GPC5: variants seen among roughly 807,000 people sequenced by gnomAD.
GPC5 encodes glypican 5.
In GPC5, 47 loss-of-function variants were observed where a neutral mutation model predicts 53.9. The ratio of observed to expected loss-of-function variants is 0.87; its 90% confidence interval spans 0.69 to 1.11. GPC5 has a LOEUF of 1.11. Among genes scored for constraint, GPC5 ranks in the 50% most tolerant of loss-of-function variants. The pLI, the probability that GPC5 is intolerant of heterozygous loss-of-function variation, is 0.00. For synonymous variants in GPC5, 286 were observed against 263.3 expected, an observed-to-expected ratio of 1.09 and a Z score of -0.84; for missense variants, 748 against 713.1, an observed-to-expected ratio of 1.05 and a Z score of -0.56.
intron 7 of GPC5, among the ~76,000 whole-genome samples, chr13:92,400,247 C>A (rs1359886537): frequency 6.6e-6 from 1 of 152,124 alleles, no homozygotes; most frequent in East Asian, 1.9e-4. Flanking sequence ...GACAAAACTA[C>A]AATAAAGATA....
At chr13:91,701,996 A>G (rs2036003932) in intron 3 of GPC5, among the ~76,000 whole-genome samples, 1 of 151,998 alleles carries the variant, frequency 6.6e-6, no homozygotes, top group South Asian at 2.1e-4. Context: ...ATTCTAACAG[A>G]TTTGAAATAA....
chr13:92,572,107 T>A (rs1883044489), intron 7 of GPC5, among the ~76,000 whole-genome samples: 1 of 152,172 alleles, frequency 6.6e-6, no homozygotes, highest in Non-Finnish European at 1.5e-5. Context: ...CTAGATTAAA[T>A]AAGATTATTG....
intron 6 of GPC5, among the ~76,000 whole-genome samples, chr13:91,950,794 A>C (rs911559476): frequency 1.3e-5 from 2 of 152,294 alleles, no homozygotes; most frequent in East Asian, 3.9e-4. Flanking sequence ...AACTCATTTA[A>C]TGGTAGCTAT....
intron 7 of GPC5, among the ~76,000 whole-genome samples, chr13:92,158,511 T>A (rs1276083172): frequency 6.6e-6 from 1 of 152,098 alleles, no homozygotes; most frequent in East Asian, 1.9e-4. Context: ...TGTTCCTTTT[T>A]TTTTTTCTTC....
At chr13:91,770,188 A>G (rs1211669360) in intron 5 of GPC5, among the ~76,000 whole-genome samples, 9 of 152,180 alleles carry the variant, frequency 5.9e-5, no homozygotes, top group African/African-American at 1.7e-4. Context: ...ACACTGGGCA[A>G]GCAATGGAAG....
intron 7 of GPC5, among the ~76,000 whole-genome samples, chr13:92,496,561 A>G (rs1879987636): frequency 6.6e-6 from 1 of 152,206 alleles, no homozygotes. Context: ...ACTTAGCCAT[A>G]AAAACAAAAG....
intron 5 of GPC5, among the ~76,000 whole-genome samples, chr13:91,857,320 G>A (rs1203764637): frequency 1.3e-5 from 2 of 151,278 alleles, no homozygotes; most frequent in Non-Finnish European, 3.0e-5. Flanking sequence ...TAACCAAATT[G>A]AAAACTGGCG....
chr13:92,465,964 G>A (rs1878674015), intron 7 of GPC5, among the ~76,000 whole-genome samples: 1 of 151,826 alleles, frequency 6.6e-6, no homozygotes, highest in Non-Finnish European at 1.5e-5. Context: ...ATGGGGGAGG[G>A]GTGGGTGATG....
At chr13:91,407,230 TG>T (rs931198392) in intron 1 of GPC5, among the ~76,000 whole-genome samples, 7 of 152,178 alleles carry the variant, frequency 4.6e-5, no homozygotes, top group African/African-American at 9.7e-5. Context: ...ATTGTTTTTG[TG>T]GGGTTAATTT....
At chr13:91,561,242 T>A (rs537937838) in intron 2 of GPC5, among the ~76,000 whole-genome samples, 1 of 152,210 alleles carries the variant, frequency 6.6e-6, no homozygotes, top group African/African-American at 2.4e-5. Flanking sequence ...TTTCAATAAT[T>A]GTAAAATAAC....
intron 2 of GPC5, among the ~76,000 whole-genome samples, chr13:91,679,356 A>G (rs2035455934): frequency 6.6e-6 from 1 of 152,160 alleles, no homozygotes; most frequent in African/African-American, 2.4e-5. Flanking sequence ...CATACAAAAT[A>G]AGGAGGTCAG....
At chr13:91,943,686 G>A (rs1469946864) in intron 6 of GPC5, among the ~76,000 whole-genome samples, 1 of 152,198 alleles carries the variant, frequency 6.6e-6, no homozygotes, top group Non-Finnish European at 1.5e-5. Flanking sequence ...TCTCTTAGGA[G>A]TAGGACGGAT....
chr13:92,828,105 A>T (rs1332315128), intron 7 of GPC5, among the ~76,000 whole-genome samples: 1 of 152,090 alleles, frequency 6.6e-6, no homozygotes, highest in Non-Finnish European at 1.5e-5. Context: ...CATCCAGACC[A>T]AAAGAAGTGC....
rs145089935 is a variant in GPC5 at position 92,073,184 on chromosome 13, T to C, written c.1402-71646T>C. Among the ~76,000 whole-genome samples the C allele has an allele frequency of 6.3e-3, 962 of 152,336 alleles. 4 individuals carry two copies. Among genetic ancestry groups the C allele is most frequent in the Middle Eastern group, 0.027 (8 of 294 alleles). On this transcript the variant is annotated intron_variant, in intron 6 of 7. Coordinates refer to ENST00000377067, the MANE Select transcript of GPC5 (RefSeq NM_004466.6). ...TTCATATTTCTTGTGTTAAATTCTT[T>C]TCATAAGTACATTATTTTTGAATTC...
intron 7 of GPC5, among the ~76,000 whole-genome samples, chr13:92,359,550 G>A (rs540150316): frequency 1.8e-4 from 27 of 151,438 alleles, no homozygotes; most frequent in Middle Eastern, 3.4e-3. Context: ...CTTCATTATC[G>A]CATTACTATA....
At chr13:92,172,569 G>A (rs1478200655) in intron 7 of GPC5, among the ~76,000 whole-genome samples, 2 of 152,090 alleles carry the variant, frequency 1.3e-5, no homozygotes, top group African/African-American at 2.4e-5. Flanking sequence ...TCAGTGTATT[G>A]GAAAATTTTC....
At chr13:92,663,784 CTA>C (rs1196994125) in intron 7 of GPC5, among the ~76,000 whole-genome samples, 8 of 138,624 alleles carry the variant, frequency 5.8e-5, no homozygotes, top group East Asian at 2.1e-4. Flanking sequence ...TATACACACA[CTA>C]TATATACACA....
chr13:91,626,057 T>C (rs2033991391), intron 2 of GPC5, among the ~76,000 whole-genome samples: 1 of 152,090 alleles, frequency 6.6e-6, no homozygotes, highest in Non-Finnish European at 1.5e-5. Context: ...TCTAAAACAA[T>C]ATCTGGTTTT....
chr13:92,615,790 C>T lies in GPC5; in HGVS notation c.1562-250492C>T, dbSNP rs544866951. Reference sequence around the variant, plus strand: ...CCCTACCAGGCTGGGCGCGGTGGCTCAAGTCTGTAATCCCAGCACTTTGGG... The same window carrying T: ...CCCTACCAGGCTGGGCGCGGTGGCTTAAGTCTGTAATCCCAGCACTTTGGG... On this transcript the variant is annotated intron_variant, in intron 7 of 7. Transcript: ENST00000377067. Among the ~76,000 whole-genome samples, 8 of 152,168 alleles carry T rather than the reference C, an allele frequency of 5.3e-5. No homozygotes were observed. In the East Asian group the frequency reaches 1.5e-3, roughly 29 times the overall value.
Sources: gnomAD v4.1 joint callset for allele counts (sites outside exome capture counted in the v4.1 genomes callset) on GRCh38, gnomAD v4.1.1 for gene constraint, MANE v1.5 for transcripts, NCBI Gene and HGNC (gene_info 2026-07-23, HGNC 2026-07-21) for gene names.